The following ZNF148 variants were observed in gnomAD, a reference collection of about 807,000 sequenced individuals.
The protein encoded by ZNF148 is zinc finger protein 148, also known as Beta-Enolase Repressor Factor-1.
Under a neutral mutation model 67.7 loss-of-function variants are expected in ZNF148, and 7 were observed. The observed-to-expected ratio is 0.10, with a 90% confidence interval of 0.06 to 0.19. The LOEUF (loss-of-function observed/expected upper bound fraction) is 0.19, where lower values mean the gene tolerates loss of function less well. Among genes scored for constraint, ZNF148 ranks in the 10% least tolerant of loss-of-function variants. The probability of loss-of-function intolerance (pLI) is 1.00; values close to 1 mark genes in which losing one functional copy is unlikely to be tolerated. For missense variants in ZNF148, 583 were observed against 947.1 expected (o/e 0.62, Z 5.05); for synonymous variants, 333 against 330.7 (o/e 1.01, Z -0.08).
Position 125,313,619 on chromosome 3 carries a change from C to G in ZNF148, c.22G>C (p.Glu8Gln). 6.2e-7 allele frequency: 1 copy of G among 1,612,908 alleles called. No individual in the cohort carries two copies. Among genetic ancestry groups the G allele is most frequent in the Non-Finnish European group, 8.5e-7 (1 of 1,178,952 alleles). ...CCGCCACATTTAAGAAACAATCCTT[C>G]CAGTTTGTCGTCAATGTTCATGCTT... The part of the protein sequence containing the change: MNIDDKL[E>Q]GLFLKCGGID... Residue 8 changes from glutamate to glutamine, a missense_variant, in exon 4 of 9, where the codon GAA becomes CAA. By Grantham distance (29) the Glu-to-Gln change is conservative. Transcript: ENST00000360647.
intron 4 of ZNF148, among the ~76,000 whole-genome samples, chr3:125,312,131 A>T (rs1940246038): frequency 6.6e-6 from 1 of 152,232 alleles, no homozygotes; most frequent in South Asian, 2.1e-4. Context: ...AGACAAAGAC[A>T]TCAAGAAAAC....
At chr3:125,350,827 T>TAC (rs991405194) in intron 1 of ZNF148, among the ~76,000 whole-genome samples, 1 of 152,126 alleles carries the variant, frequency 6.6e-6, no homozygotes, top group Admixed American at 6.5e-5. Context: ...TCCATATATA[T>TAC]ATACACACAC....
At chr3:125,347,023 A>C (rs1941969953) in intron 1 of ZNF148, among the ~76,000 whole-genome samples, 1 of 152,224 alleles carries the variant, frequency 6.6e-6, no homozygotes, top group Non-Finnish European at 1.5e-5. Context: ...AATTTACAAA[A>C]ATCAATTATA....
intron 3 of ZNF148, among the ~76,000 whole-genome samples, chr3:125,316,973 A>T (rs1323681979): frequency 1.3e-5 from 2 of 152,244 alleles, no homozygotes; most frequent in East Asian, 3.8e-4. Flanking sequence ...TACTAGAGTG[A>T]GAGACTTGGA....
intron 1 of ZNF148, among the ~76,000 whole-genome samples, chr3:125,371,860 C>T (rs533293303): frequency 1.3e-5 from 2 of 151,630 alleles, no homozygotes; most frequent in African/African-American, 4.8e-5. Flanking sequence ...GTCAGGAGAT[C>T]GAGATCATCC....
intron 4 of ZNF148, among the ~76,000 whole-genome samples, chr3:125,304,361 A>T (rs574264889): frequency 1.3e-5 from 2 of 152,150 alleles, no homozygotes; most frequent in Non-Finnish European, 2.9e-5. Flanking sequence ...AGAAAGTATC[A>T]AAGAGTGGAT....
intron 2 of ZNF148, among the ~76,000 whole-genome samples, chr3:125,327,102 AGAAT>A (rs1443669779): frequency 6.6e-6 from 1 of 152,166 alleles, no homozygotes; most frequent in Non-Finnish European, 1.5e-5. Flanking sequence ...TGTAAGAGAC[AGAAT>A]GGCTATATTA....
rs894142744 is a variant in ZNF148 at position 125,232,184 on chromosome 3, G to A, written c.*157C>T. 55 of 892,576 alleles carry A rather than the reference G, an allele frequency of 6.2e-5. No homozygotes were observed. The highest frequency in any genetic ancestry group is 8.4e-5 in the African/African-American group (5 of 59,278). The allele number at this position is 892,576 out of a possible 1,614,324, so 55.3% of individuals were successfully genotyped here. ...TTCAAAGAATGCTGACTAACCAAAC[G>A]AAATGCAGTTATTGGATTATCTTGC... is the stretch of plus-strand genomic sequence containing the variant. On this transcript the variant is annotated 3_prime_UTR_variant, in exon 9 of 9. Coordinates refer to ENST00000360647, the MANE Select transcript of ZNF148 (RefSeq NM_021964.3). The surrounding 1 kb of genome is among the most constrained non-coding windows in gnomAD (Gnocchi z 4.2).
At chr3:125,322,131 G>A (rs531258380) in intron 3 of ZNF148, among the ~76,000 whole-genome samples, 8 of 135,226 alleles carry the variant, frequency 5.9e-5, no homozygotes, top group African/African-American at 8.4e-5. Context: ...CCAGGTTCCC[G>A]CCATTCTCCT....
chr3:125,293,749 A>T (rs2107635691), intron 4 of ZNF148, among the ~76,000 whole-genome samples: 1 of 152,296 alleles, frequency 6.6e-6, no homozygotes, highest in East Asian at 1.9e-4. Flanking sequence ...AATGGAGGAA[A>T]TGGGACAGCT....
rs575683784 is a variant in ZNF148 at position 125,229,601 on chromosome 3, A to C, written c.*2740T>G. ...CAATCTTCAAACGTGAGTAGGTCCC[A>C]AGAGGAAAAGCACACCTCACTCAGA... is the stretch of plus-strand genomic sequence containing the variant. On this transcript the variant is annotated 3_prime_UTR_variant, in exon 9 of 9. Transcript: ENST00000360647. 2.6e-5 allele frequency: 4 copies of C among 152,286 alleles called. No homozygotes were observed. The highest frequency in any genetic ancestry group is 9.6e-5 in the African/African-American group (4 of 41,578). 9.4% of individuals were successfully genotyped at this position (152,286 alleles called of 1,614,324 possible). A position where few individuals can be genotyped will look rare whatever the true frequency, so the allele number is the denominator to read the frequency against.
intron 7 of ZNF148, among the ~76,000 whole-genome samples, chr3:125,250,960 C>T (rs573292264): frequency 5.1e-4 from 77 of 152,312 alleles, no homozygotes; most frequent in African/African-American, 1.4e-3. Flanking sequence ...AGATCCCTCG[C>T]TTATCACCCA....
chr3:125,371,372 AGGGGGG>A (rs59807253), intron 1 of ZNF148, among the ~76,000 whole-genome samples: 1 of 65,368 alleles, frequency 1.5e-5, no homozygotes, highest in Non-Finnish European at 2.6e-5. Context: ...AAAAAAAAAA[AGGGGGG>A]GGGGGGGGCA....
In ZNF148 at chr3:125,336,622, A is replaced by T. The variant is rs537094495; in HGVS notation, c.-233-5384T>A. The stretch of plus-strand genomic sequence containing the variant: ...CTAATAGTATATTTTTTATAACCAT[A>T]TCTATCCCAAGGATAACCAACCAAT... On this transcript the variant is annotated intron_variant, in intron 1 of 8. Transcript: ENST00000360647. Among the ~76,000 whole-genome samples, 55 of 150,850 alleles carry T rather than the reference A, an allele frequency of 3.6e-4. 1 individual carries two copies. In the South Asian group the frequency reaches 0.011, roughly 30 times the overall value.
At chr3:125,256,354 C>T (rs879305373) in intron 7 of ZNF148, among the ~76,000 whole-genome samples, 75 of 130,088 alleles carry the variant, frequency 5.8e-4, no homozygotes, top group Admixed American at 1.5e-3. Flanking sequence ...GGTCAAAGAG[C>T]GAGACTCCAT....
chr3:125,300,349 C>T (rs774510044), intron 4 of ZNF148, among the ~76,000 whole-genome samples: 2 of 152,094 alleles, frequency 1.3e-5, no homozygotes, highest in African/African-American at 2.4e-5. Context: ...AAGGTAAGGA[C>T]CCAACAGCCA....
intron 7 of ZNF148, among the ~76,000 whole-genome samples, chr3:125,238,631 GA>G (rs900803653): frequency 6.6e-6 from 1 of 151,690 alleles, no homozygotes; most frequent in Admixed American, 6.6e-5. Context: ...CTGTCTAAAG[GA>G]AAAAAAACGC....
Position 125,372,485 on chromosome 3 carries a change from GATA to G in ZNF148, c.-234+2614_-234+2616del, listed in dbSNP as rs1486858149. ...ACATTCATAAACATCTTCTGACTCC[GATA>G]ATGTCATTTTGATAAATCAAGAAAT... On this transcript the variant is annotated intron_variant, in intron 1 of 8. Transcript: ENST00000360647. Among the ~76,000 whole-genome samples the G allele has an allele frequency of 2.0e-4, 30 of 152,308 alleles. 3 individuals are homozygous for G. The Middle Eastern group carries it at 0.017, about 86-fold the overall frequency.
intron 7 of ZNF148, among the ~76,000 whole-genome samples, chr3:125,237,013 A>G (rs925485558): frequency 6.6e-6 from 1 of 152,224 alleles, no homozygotes; most frequent in African/African-American, 2.4e-5. Flanking sequence ...AGTCACTTAT[A>G]AAGGAAGTTT....
Sources: gnomAD v4.1 joint callset for allele counts (sites outside exome capture counted in the v4.1 genomes callset) on GRCh38, gnomAD v4.1.1 for gene constraint, Gnocchi (gnomAD v3.1) non-coding constraint, MANE v1.5 for transcripts, NCBI Gene and HGNC (gene_info 2026-07-23, HGNC 2026-07-21) for gene names.